CFAP221: variants seen among roughly 807,000 people sequenced by gnomAD.
CFAP221 encodes the protein cilia- and flagella-associated protein 221.
CFAP221 carries 97 observed loss-of-function variants against 113.1 expected under a neutral mutation model. That is an observed-to-expected ratio of 0.86 (90% CI 0.73 to 1.02). The LOEUF (loss-of-function observed/expected upper bound fraction) is 1.02. Among genes scored for constraint, CFAP221 ranks in the 50% least tolerant of loss-of-function variants. The pLI is 0.00. For missense variants in CFAP221, 1,025 were observed against 1,013.4 expected (o/e 1.01, Z -0.16); for synonymous variants, 331 against 354.4 (o/e 0.93, Z 0.74).
At chr2:119,595,689 T>C (rs1038773425) in intron 7 of CFAP221, among the ~76,000 whole-genome samples, 1 of 152,132 alleles carries the variant, frequency 6.6e-6, no homozygotes, top group Non-Finnish European at 1.5e-5. Flanking sequence ...GGAGCAGAGA[T>C]GCCAGTCGGG....
intron 6 of CFAP221, among the ~76,000 whole-genome samples, chr2:119,569,797 G>A (rs2104566103): frequency 6.6e-6 from 1 of 152,064 alleles, no homozygotes; most frequent in African/African-American, 2.4e-5. Flanking sequence ...CCTATCAAAG[G>A]CATTCTTCAT....
chr2:119,546,359 G>A, intron 2 of CFAP221, 89 bp downstream of exon 2: 2 of 1,351,506 alleles, frequency 1.5e-6, no homozygotes, highest in Admixed American at 5.4e-5. Flanking sequence ...TTTTAGTGCT[G>A]ATTTATCTAT....
At chr2:119,618,284 A>G (rs927220845) in intron 14 of CFAP221, among the ~76,000 whole-genome samples, 2 of 152,218 alleles carry the variant, frequency 1.3e-5, no homozygotes, top group Non-Finnish European at 2.9e-5. Flanking sequence ...TAAAAGAGCC[A>G]TTTGGGCTGG....
chr2:119,629,895 G>C lies in CFAP221; in HGVS notation c.1671G>C (p.Leu557=). 6.2e-7 allele frequency: 1 copy of C among 1,613,442 alleles called. No individual in the cohort carries two copies. The highest frequency in any genetic ancestry group is 8.5e-7 in the Non-Finnish European group (1 of 1,179,454). ...TTTAGGCTCCTGATGGCCTTGGACT[G>C]GTCCCAATTAAGTCTTCAGAAGTTC... The part of the protein sequence containing the change: ...SNELAPDGLG[L]VPIKSSEVQI... Residue 557 remains leucine (L), a synonymous_variant, in exon 17 of 24, where the codon CTG becomes CTC. Transcript: ENST00000413369.
intron 19 of CFAP221, among the ~76,000 whole-genome samples, chr2:119,634,932 A>G (rs1184284182): frequency 6.6e-6 from 1 of 152,206 alleles, no homozygotes; most frequent in African/African-American, 2.4e-5. Flanking sequence ...GCACATTTAA[A>G]AATTTGTTAA....
At chr2:119,552,411 TAAG>T (rs1229946171) in intron 3 of CFAP221, among the ~76,000 whole-genome samples, 1 of 630 alleles carries the variant, frequency 1.6e-3, no homozygotes, top group Non-Finnish European at 3.0e-3. Context: ...CTTTCTTTAA[TAAG>T]AAATAAATAG....
At position 119,647,108 on chromosome 2, in the gene CFAP221, T is replaced by C. The variant is rs1356818848; in HGVS notation, c.2318+58T>C. On this transcript the variant is annotated intron_variant, in intron 22 of 23. Coordinates refer to ENST00000413369, the MANE Select transcript of CFAP221 (RefSeq NM_001271049.2). ...ATGTGGTCTGTTTTCCAAAAATATG[T>C]GAGGTGCTGTGAGGAACTTCAGAAT... 3 of 1,331,982 alleles carry C rather than the reference T, an allele frequency of 2.3e-6. No individual in the cohort carries two copies. In the Admixed American group the frequency reaches 5.7e-5, roughly 25 times the overall value. 82.5% of individuals were successfully genotyped at this position (1,331,982 alleles called of 1,614,324 possible).
At position 119,604,961 on chromosome 2, in the gene CFAP221, A is replaced by G. The variant is rs764044968; in HGVS notation, c.998A>G (p.Lys333Arg). Residue 333 changes from lysine to arginine, a missense_variant, in exon 10 of 24, where the codon AAA (lysine) becomes AGA (arginine). By Grantham distance (26) the Lys-to-Arg change is conservative (BLOSUM62 2). Transcript: ENST00000413369. ...ACTGTTTTAAACCAAGAACCAGGAA[A>G]ATTGAAGATTAAAGAATTAAGAGAA... ...VATVLNQEPG[K>R]LKIKELREVL... 2.5e-5 allele frequency: 40 copies of G among 1,614,038 alleles called. No homozygotes were observed. The highest frequency in any genetic ancestry group is 3.3e-5 in the Admixed American group (2 of 60,002).
At chr2:119,649,998 G>C (rs1035182955) in intron 22 of CFAP221, among the ~76,000 whole-genome samples, 2 of 152,152 alleles carry the variant, frequency 1.3e-5, no homozygotes, top group Admixed American at 1.3e-4. Flanking sequence ...AAGAAATTCT[G>C]ATAACTCAAG....
chr2:119,609,272 T>A (rs898089666), intron 12 of CFAP221, among the ~76,000 whole-genome samples: 4 of 152,176 alleles, frequency 2.6e-5, no homozygotes, highest in African/African-American at 9.7e-5. Context: ...AGGAGTCTGC[T>A]GGGGCTCTGT....
At chr2:119,643,269 C>A (rs1343498273) in intron 21 of CFAP221, among the ~76,000 whole-genome samples, 1 of 152,210 alleles carries the variant, frequency 6.6e-6, no homozygotes, top group Non-Finnish European at 1.5e-5. Flanking sequence ...GTTGTTAAAC[C>A]ATGCAATATA....
At chr2:119,596,729 C>T (rs1684009014) in intron 7 of CFAP221, among the ~76,000 whole-genome samples, 1 of 152,240 alleles carries the variant, frequency 6.6e-6, no homozygotes, top group Admixed American at 6.5e-5. Flanking sequence ...ATGCACACCA[C>T]ACGTGTCTTC....
intron 7 of CFAP221, among the ~76,000 whole-genome samples, chr2:119,600,197 C>A (rs1435431755): frequency 1.3e-5 from 2 of 152,152 alleles, no homozygotes; most frequent in Non-Finnish European, 2.9e-5. Context: ...CCTTTCTTCG[C>A]TTTTTCTCTC....
chr2:119,613,330 C>T (rs1481826775), intron 13 of CFAP221, among the ~76,000 whole-genome samples: 2 of 152,058 alleles, frequency 1.3e-5, no homozygotes, highest in African/African-American at 4.8e-5. Context: ...AGGCAGTGCC[C>T]CAGTGGGGAT....
chr2:119,563,864 C>T (rs760743283), intron 6 of CFAP221, among the ~76,000 whole-genome samples: 2 of 152,130 alleles, frequency 1.3e-5, no homozygotes, highest in Non-Finnish European at 2.9e-5. Context: ...GGGCTGGGGA[C>T]AAGAGGATGG....
Position 119,605,259 on chromosome 2 carries a change from T to C in CFAP221, c.1103T>C (p.Ile368Thr). 1 of 1,614,088 alleles carries C rather than the reference T, an allele frequency of 6.2e-7. No individual in the cohort carries two copies. Among genetic ancestry groups the C allele is most frequent in the South Asian group, 1.1e-5 (1 of 91,078 alleles). Residue 368 changes from isoleucine (I) to threonine (T), a missense_variant, in exon 11 of 24, where the codon ATT becomes ACT. Coordinates refer to ENST00000413369, the MANE Select transcript of CFAP221 (RefSeq NM_001271049.2). Reference sequence around the variant, plus strand: ...TTTGAACAGAAAGTCAGACAGGACATTCACGAAGAGATGGAAAATCATCTT... The same window carrying C: ...TTTGAACAGAAAGTCAGACAGGACACTCACGAAGAGATGGAAAATCATCTT... ...ALFEQKVRQDIHEEMENHLKW... is the reference protein window; with the variant it reads ...ALFEQKVRQDTHEEMENHLKW...
chr2:119,587,220 C>G lies in CFAP221; in HGVS notation c.629C>G (p.Ser210Ter). 1 of 1,513,422 alleles carries G rather than the reference C, an allele frequency of 6.6e-7. No individual in the cohort carries two copies. Among genetic ancestry groups the G allele is most frequent in the Non-Finnish European group, 8.8e-7 (1 of 1,133,442 alleles). 93.7% of individuals were successfully genotyped at this position (1,513,422 alleles called of 1,614,324 possible). The change falls in exon 7 of 24, where the codon TCA becomes TGA. Residue 210 changes from serine (S) to a stop codon, truncating the protein, a stop_gained and splice_region_variant. Transcript: ENST00000413369. LOFTEE classifies it high-confidence loss of function. Reference sequence around the variant, plus strand: ...CAAGCCTTTGCTATTGAGCCAACATCAGGTAAGGAGTGTCAAGATTTCAAG... The same window carrying G: ...CAAGCCTTTGCTATTGAGCCAACATGAGGTAAGGAGTGTCAAGATTTCAAG... ...SHQAFAIEPT[S>*]GIIPANGKMT... is the part of the protein sequence containing the mutation.
chr2:119,573,061 GC>G (rs1682180226), intron 6 of CFAP221: 1 of 154,386 alleles, frequency 6.5e-6, no homozygotes, highest in African/African-American at 2.4e-5. Context: ...TTCTCCTACT[GC>G]CCCTGGAGCT....
At chr2:119,645,005 C>T (rs1443480885) in intron 21 of CFAP221, among the ~76,000 whole-genome samples, 1 of 142,202 alleles carries the variant, frequency 7.0e-6, no homozygotes, top group African/African-American at 2.6e-5. Flanking sequence ...CCCCCCCCAC[C>T]CCCTCCCACC....
Sources: allele counts gnomAD v4.1 joint callset (sites outside exome capture counted in the v4.1 genomes callset), GRCh38; gene constraint gnomAD v4.1.1; transcripts MANE v1.5; gene names NCBI Gene and HGNC (gene_info 2026-07-23, HGNC 2026-07-21).